Variants in ANKFY1 observed in about 807,000 individuals in gnomAD.
The protein encoded by ANKFY1 is ankyrin repeat and FYVE domain-containing protein 1.
A neutral mutation model predicts 128.3 loss-of-function variants in ANKFY1; 47 were observed. The ratio of observed to expected loss-of-function variants is 0.37; its 90% CI spans 0.29 to 0.47. ANKFY1 has a LOEUF of 0.47. ANKFY1 is among the 20% of genes least tolerant of loss of function. The pLI is 1.00. For missense variants in ANKFY1, 1,222 were observed against 1,510.6 expected, an observed-to-expected ratio of 0.81 and a Z score of 3.17; for synonymous variants, 553 against 601.6, an observed-to-expected ratio of 0.92 and a Z score of 1.18.
chr17:4,224,385 A>G (rs2060386110), intron 3 of ANKFY1, among the ~76,000 whole-genome samples: 1 of 151,586 alleles, frequency 6.6e-6, no homozygotes, highest in African/African-American at 2.4e-5. Context: ...ACCACGCCCG[A>G]CTAATTTTTT....
chr17:4,186,002 A>G (rs2059604762), intron 11 of ANKFY1, among the ~76,000 whole-genome samples: 2 of 152,184 alleles, frequency 1.3e-5, no homozygotes, highest in African/African-American at 4.8e-5. Context: ...AATATTTTTA[A>G]TTGGTATTAC....
intron 22 of ANKFY1, among the ~76,000 whole-genome samples, chr17:4,171,148 G>A (rs1190527454): frequency 2.0e-5 from 3 of 152,214 alleles, no homozygotes; most frequent in African/African-American, 7.2e-5. Context: ...AGCTGAGGTC[G>A]CGCAGGTGGG....
intron 24 of ANKFY1, among the ~76,000 whole-genome samples, chr17:4,168,640 G>C (rs923752406): frequency 2.0e-5 from 3 of 151,744 alleles, no homozygotes; most frequent in African/African-American, 7.3e-5. Flanking sequence ...GCTAATTTTT[G>C]TATTTTTAGT....
chr17:4,262,573 TAC>T (rs201812043), intron 1 of ANKFY1, among the ~76,000 whole-genome samples: 4 of 151,270 alleles, frequency 2.6e-5, no homozygotes, highest in Admixed American at 2.0e-4. Context: ...AGACCTTGTC[TAC>T]ACACACACAC....
At chr17:4,210,728 A>AAAAAC in intron 4 of ANKFY1, among the ~76,000 whole-genome samples, 1 of 150,654 alleles carries the variant, frequency 6.6e-6, no homozygotes, top group African/African-American at 2.4e-5. Context: ...AAAAAAAAAA[A>AAAAAC]AAAAGCTCTC....
At chr17:4,204,635 A>G (rs2059989784) in intron 7 of ANKFY1, among the ~76,000 whole-genome samples, 1 of 152,238 alleles carries the variant, frequency 6.6e-6, no homozygotes, top group African/African-American at 2.4e-5. Context: ...ATATTTAATA[A>G]CTCAAAGATG....
chr17:4,214,709 G>A (rs2060192218), intron 4 of ANKFY1, among the ~76,000 whole-genome samples: 1 of 151,836 alleles, frequency 6.6e-6, no homozygotes, highest in African/African-American at 2.4e-5. Flanking sequence ...TGTATTTTTA[G>A]TAGAGACTGG....
At chr17:4,249,928 C>T (rs1967743566) in intron 1 of ANKFY1, among the ~76,000 whole-genome samples, 1 of 152,212 alleles carries the variant, frequency 6.6e-6, no homozygotes, top group Non-Finnish European at 1.5e-5. Flanking sequence ...TAAATAGTCA[C>T]AATGATCAAA....
rs559458982 is a variant in ANKFY1, at chr17:4,183,706, A to T, written c.1798+106T>A. The T allele has an allele frequency of 4.0e-5, 57 of 1,409,362 alleles. 1 individual carries two copies. The South Asian group carries it at 6.8e-4, about 17-fold the overall frequency. The allele number at this position is 1,409,362 out of a possible 1,614,324, so 87.3% of individuals were successfully genotyped here. A position where few individuals can be genotyped will look rare whatever the true frequency, so the allele number is the denominator to read the frequency against. ...AACAGAAATGTTATTTTACAACCAAATGATTAGCCCAGTCTCCTCTTTCTT... is the reference window on the plus strand; with the variant it reads ...AACAGAAATGTTATTTTACAACCAATTGATTAGCCCAGTCTCCTCTTTCTT... On this transcript the variant is annotated intron_variant, in intron 13 of 24. Coordinates refer to ENST00000341657, the MANE Select transcript of ANKFY1 (RefSeq NM_001330063.2).
At chr17:4,177,031 A>C in intron 19 of ANKFY1, 95 bp downstream of exon 19, 1 of 1,302,288 alleles carries the variant, frequency 7.7e-7, no homozygotes, top group Non-Finnish European at 1.0e-6. Flanking sequence ...GTGCTTTCAC[A>C]ACACCGGGCA....
In ANKFY1 at chr17:4,230,019, G is replaced by A. The variant is rs145687825; in HGVS notation, c.322+5753C>T. Among the ~76,000 whole-genome samples the A allele has an allele frequency of 9.2e-3, 1,400 of 152,270 alleles. 11 individuals are homozygous for A. Among genetic ancestry groups the A allele is most frequent in the South Asian group, 0.035 (171 of 4,820 alleles). On this transcript the variant is annotated intron_variant, in intron 3 of 24. Transcript: ENST00000341657. ...TTTGTGAGCATATTCTAAACTTCCC[G>A]TGGATGTCATCGAAGGAACACAGTA...
rs753661291 is a variant in ANKFY1, at chr17:4,184,962, G to T, written c.1555C>A (p.Leu519Met). Residue 519 changes from leucine (L) to methionine (M), a missense_variant, in exon 12 of 25, where the codon CTG (leucine) becomes ATG (methionine). Coordinates refer to ENST00000341657, the MANE Select transcript of ANKFY1 (RefSeq NM_001330063.2). ...AGAGGCAGAGCTTCCTCCGTCTGCAGGTTTGGGTTGGCGCCTTGCTGCAGG... is the reference window on the plus strand; with the variant it reads ...AGAGGCAGAGCTTCCTCCGTCTGCATGTTTGGGTTGGCGCCTTGCTGCAGG... ...ELLQQGANPNLQTEEALPLPK... is the reference protein window; with the variant it reads ...ELLQQGANPNMQTEEALPLPK... 1.5e-5 allele frequency: 24 copies of T among 1,613,950 alleles called. No homozygotes were observed. The highest frequency in any genetic ancestry group is 1.9e-5 in the Non-Finnish European group (23 of 1,180,056).
intron 3 of ANKFY1, among the ~76,000 whole-genome samples, chr17:4,221,367 G>A (rs751352991): frequency 1.3e-5 from 2 of 151,994 alleles, no homozygotes; most frequent in African/African-American, 4.8e-5. Context: ...ACATACCACT[G>A]TGCCTGGCTA....
In ANKFY1 at chr17:4,183,478, C is replaced by T. The variant is rs750805649; in HGVS notation, c.1872G>A (p.Thr624=). 2.5e-5 allele frequency: 41 copies of T among 1,613,464 alleles called. 1 individual carries two copies. The Middle Eastern group carries it at 5.4e-4, about 21-fold the overall frequency. ...AINDTMSDGQ[T]LLHMAIQRQD... ...GCCGCTGTATGGCCATGTGCAGTAG[C>T]GTCTGCCCATCCGACATGGTGTCAT... Residue 624 remains threonine (T), a synonymous_variant, in exon 14 of 25, where the codon ACG becomes ACA. Transcript: ENST00000341657.
intron 10 of ANKFY1, among the ~76,000 whole-genome samples, 176 bp from the exon 11 acceptor site, chr17:4,189,655 GCCAGAGAGTAGGCCCACA>G (rs2059678226): frequency 1.4e-5 from 2 of 147,920 alleles, no homozygotes; most frequent in South Asian, 2.1e-4. Flanking sequence ...GTAGGCCCAC[GCCAGAGAGTAGGCCCACA>G]CCAGACAGTA....
chr17:4,182,495 T>A, intron 14 of ANKFY1, 146 bp from the exon 15 acceptor site: 1 of 622,538 alleles, frequency 1.6e-6, no homozygotes, highest in South Asian at 5.2e-5. Flanking sequence ...GGAAATTAAA[T>A]GTGAAAATAG....
chr17:4,172,799 CAA>C, intron 21 of ANKFY1, 119 bp from the exon 22 acceptor site: 2 of 1,359,074 alleles, frequency 1.5e-6, no homozygotes, highest in Non-Finnish European at 2.0e-6. Flanking sequence ...AAACAAGTCA[CAA>C]AAGTTTTTCT....
intron 13 of ANKFY1, 78 bp from the exon 14 acceptor site, chr17:4,183,629 C>G (rs2059556734): frequency 1.3e-6 from 2 of 1,563,122 alleles, no homozygotes; most frequent in East Asian, 2.3e-5. Flanking sequence ...GCCAGACCCT[C>G]TCAGCTTCTC....
intron 1 of ANKFY1, among the ~76,000 whole-genome samples, chr17:4,246,428 C>T (rs1257688130): frequency 6.6e-6 from 1 of 152,170 alleles, no homozygotes; most frequent in African/African-American, 2.4e-5. Context: ...GAGCCCAAGC[C>T]TCGCCCTCTC....
Sources: gnomAD v4.1 joint callset for allele counts (sites outside exome capture counted in the v4.1 genomes callset) on GRCh38, gnomAD v4.1.1 for gene constraint, MANE v1.5 for transcripts, NCBI Gene and HGNC (gene_info 2026-07-23, HGNC 2026-07-21) for gene names.